Variants in CALCR observed in about 807,000 individuals in gnomAD.
The protein encoded by CALCR is calcitonin receptor.
A neutral mutation model predicts 59.5 loss-of-function variants in CALCR; 47 were observed. That is an observed-to-expected ratio of 0.79 (90% confidence interval 0.63 to 1.01). The LOEUF (loss-of-function observed/expected upper bound fraction) is 1.01. Ranked by LOEUF, CALCR falls within the 50% of genes least tolerant of loss-of-function variation. The pLI is 0.00. For synonymous variants in CALCR, 213 were observed against 211.3 expected (o/e 1.01, Z -0.07); for missense variants, 566 against 597.1 (o/e 0.95, Z 0.54).
At chr7:93,539,966 G>C (rs1789088670) in intron 2 of CALCR, among the ~76,000 whole-genome samples, 1 of 152,180 alleles carries the variant, frequency 6.6e-6, no homozygotes, top group African/African-American at 2.4e-5. Context: ...GCAGAGATGA[G>C]AATAAGAAAG....
intron 8 of CALCR, among the ~76,000 whole-genome samples, chr7:93,450,544 T>G (rs930127682): frequency 2.0e-5 from 3 of 151,930 alleles, no homozygotes; most frequent in African/African-American, 7.2e-5. Flanking sequence ...CTGCCCTAAA[T>G]TCTGTCTTAT....
At chr7:93,457,934 C>A (rs1283814174) in intron 8 of CALCR, among the ~76,000 whole-genome samples, 2 of 152,266 alleles carry the variant, frequency 1.3e-5, no homozygotes, top group East Asian at 3.9e-4. Context: ...TGAATCCCAT[C>A]TCTAAGTACT....
At chr7:93,431,281 G>C (rs545722756) in intron 13 of CALCR, among the ~76,000 whole-genome samples, 4 of 152,188 alleles carry the variant, frequency 2.6e-5, no homozygotes, top group African/African-American at 7.2e-5. Context: ...TTTTTGTTTC[G>C]AGAGCACAGT....
At chr7:93,507,751 C>T (rs1012219694) in intron 2 of CALCR, among the ~76,000 whole-genome samples, 1 of 52,046 alleles carries the variant, frequency 1.9e-5, no homozygotes, top group Admixed American at 2.2e-4. Context: ...ACTAAAAATA[C>T]AAAAAAAAAA....
In CALCR at chr7:93,545,777, T is replaced by C. The variant is rs967803004; in HGVS notation, c.-27+28512A>G. On this transcript the variant is annotated intron_variant, in intron 2 of 13. Transcript: ENST00000426151. ...CTACTACCATGGGATCGACCTCATA[T>C]CACCCCTTTTTCATCATCTGACAAG... Among the ~76,000 whole-genome samples the C allele has an allele frequency of 1.6e-4, 25 of 152,128 alleles. 1 individual carries two copies. Among genetic ancestry groups the C allele is most frequent in the African/African-American group, 6.0e-4 (25 of 41,416 alleles).
chr7:93,568,690 T>C (rs1283333325), intron 2 of CALCR, among the ~76,000 whole-genome samples: 2 of 152,018 alleles, frequency 1.3e-5, no homozygotes, highest in Non-Finnish European at 2.9e-5. Flanking sequence ...AATTTTTTCC[T>C]CTATGTTTTC....
At position 93,498,488 on chromosome 7, in the gene CALCR, T is replaced by C. The variant is rs988140505; in HGVS notation, c.-26-11481A>G. Among the ~76,000 whole-genome samples, 5 of 151,736 alleles carry C rather than the reference T, an allele frequency of 3.3e-5. 1 individual carries two copies. Among genetic ancestry groups the C allele is most frequent in the Non-Finnish European group, 7.4e-5 (5 of 67,762 alleles). On this transcript the variant is annotated intron_variant, in intron 2 of 13. Coordinates refer to ENST00000426151, the MANE Select transcript of CALCR (RefSeq NM_001742.4). Reference sequence around the variant, plus strand: ...AGGCATTGTAACCTCACGTATACTTTATAGTATCGGAACTCTAATAGCAGC... The same window carrying C: ...AGGCATTGTAACCTCACGTATACTTCATAGTATCGGAACTCTAATAGCAGC...
chr7:93,540,526 T>A (rs1216656727), intron 2 of CALCR, among the ~76,000 whole-genome samples: 4 of 152,102 alleles, frequency 2.6e-5, no homozygotes, highest in Non-Finnish European at 5.9e-5. Flanking sequence ...ACAGCAAAAT[T>A]GGAGACAAAA....
At chr7:93,499,122 A>G (rs1490508007) in intron 2 of CALCR, among the ~76,000 whole-genome samples, 1 of 151,726 alleles carries the variant, frequency 6.6e-6, no homozygotes, top group Non-Finnish European at 1.5e-5. Flanking sequence ...CTCTAATGTA[A>G]CCATCACTAA....
chr7:93,513,896 T>C (rs1801600748), intron 2 of CALCR, among the ~76,000 whole-genome samples: 1 of 151,918 alleles, frequency 6.6e-6, no homozygotes, highest in African/African-American at 2.4e-5. Flanking sequence ...TACAAATAAA[T>C]ATTTATTTCA....
At chr7:93,541,299 G>A (rs945851095) in intron 2 of CALCR, among the ~76,000 whole-genome samples, 4 of 151,972 alleles carry the variant, frequency 2.6e-5, no homozygotes, top group Non-Finnish European at 1.5e-5. Context: ...TCAACCTCCC[G>A]AGTAGCTGGG....
chr7:93,497,278 C>G (rs1280311419), intron 2 of CALCR, among the ~76,000 whole-genome samples: 1 of 151,636 alleles, frequency 6.6e-6, no homozygotes, highest in Non-Finnish European at 1.5e-5. Flanking sequence ...TTTACATCAT[C>G]ATGCTAACTT....
chr7:93,444,330 A>C (rs574755901), intron 8 of CALCR, among the ~76,000 whole-genome samples: 1 of 152,104 alleles, frequency 6.6e-6, no homozygotes, highest in Non-Finnish European at 1.5e-5. Context: ...GGGCACAGAG[A>C]TTAGGATGAC....
At chr7:93,508,515 T>A (rs923782136) in intron 2 of CALCR, among the ~76,000 whole-genome samples, 4 of 152,194 alleles carry the variant, frequency 2.6e-5, no homozygotes, top group Non-Finnish European at 4.4e-5. Flanking sequence ...CTGCTTCTAT[T>A]ACCATTGTTG....
chr7:93,487,358 T>C (rs1283791983), intron 2 of CALCR, among the ~76,000 whole-genome samples: 3 of 151,434 alleles, frequency 2.0e-5, no homozygotes, highest in Non-Finnish European at 4.4e-5. Context: ...AATGAAGATG[T>C]CCACCAAGAA....
At chr7:93,495,510 G>A (rs781315158) in intron 2 of CALCR, among the ~76,000 whole-genome samples, 2 of 151,118 alleles carry the variant, frequency 1.3e-5, no homozygotes, top group South Asian at 2.1e-4. Flanking sequence ...CCCTACTCGC[G>A]GAGCCAAAAA....
intron 3 of CALCR, among the ~76,000 whole-genome samples, chr7:93,480,193 A>C (rs1193577277): frequency 6.6e-6 from 1 of 151,868 alleles, no homozygotes; most frequent in Non-Finnish European, 1.5e-5. Context: ...TTTCAGTTTC[A>C]GTTAATCATC....
intron 2 of CALCR, among the ~76,000 whole-genome samples, chr7:93,571,148 T>A (rs1789995013): frequency 6.6e-6 from 1 of 152,058 alleles, no homozygotes; most frequent in Non-Finnish European, 1.5e-5. Flanking sequence ...TATCACTTGG[T>A]TTTATAACAC....
intron 2 of CALCR, among the ~76,000 whole-genome samples, chr7:93,527,987 T>C (rs1310189231): frequency 6.6e-6 from 1 of 152,212 alleles, no homozygotes; most frequent in Non-Finnish European, 1.5e-5. Flanking sequence ...CATTGTAACC[T>C]AATGGTTTAT....
Sources: gnomAD v4.1 joint callset for allele counts (sites outside exome capture counted in the v4.1 genomes callset) on GRCh38, gnomAD v4.1.1 for gene constraint, MANE v1.5 for transcripts, NCBI Gene and HGNC (gene_info 2026-07-23, HGNC 2026-07-21) for gene names.